The following TMCC2 variants were observed in gnomAD, a reference collection of about 807,000 sequenced individuals.
The protein encoded by TMCC2 is transmembrane and coiled-coil domains protein 2.
TMCC2 carries 16 observed loss-of-function variants against 49.4 expected under a neutral mutation model. The observed-to-expected ratio is 0.32, with a 90% CI of 0.22 to 0.49. The LOEUF (loss-of-function observed/expected upper bound fraction) is 0.49. TMCC2 is among the 20% of genes least tolerant of loss of function. The probability of loss-of-function intolerance (pLI) is 0.99; values close to 1 mark genes in which losing one functional copy is unlikely to be tolerated. For synonymous variants in TMCC2, 397 were observed against 434.1 expected, an observed-to-expected ratio of 0.91 and a Z score of 1.06; for missense variants, 762 against 989.8, an observed-to-expected ratio of 0.77 and a Z score of 3.09.
chr1:205,261,196 CTTTTTTTTT>C (rs34247734), intron 2 of TMCC2, among the ~76,000 whole-genome samples: 6 of 95,270 alleles, frequency 6.3e-5, no homozygotes, highest in African/African-American at 8.3e-5. Context: ...CACTTATTTC[CTTTTTTTTT>C]TTTTTTTTTT....
At position 205,269,492 on chromosome 1, in the gene TMCC2, CCTCATCCGCAACAAGTTTGGCAGT is replaced by C; in HGVS notation, c.1291_1314del (p.Leu431_Ser438del). The C allele has an allele frequency of 6.2e-7, 1 of 1,608,638 alleles. No individual in the cohort carries two copies. The highest frequency in any genetic ancestry group is 1.1e-5 in the South Asian group (1 of 90,924). On this transcript the variant is annotated inframe_deletion, in exon 3 of 5. Transcript: ENST00000358024. ...TGTCCAAGCCCCGGGAGTTTGCCAG[CCTCATCCGCAACAAGTTTGGCAGT>C]GCTGACAACATCGCCCACCTGAAGG... is the stretch of plus-strand genomic sequence containing the variant.
chr1:205,235,812 G>A (rs1178141941), intron 1 of TMCC2, among the ~76,000 whole-genome samples: 5 of 152,192 alleles, frequency 3.3e-5, no homozygotes, highest in Non-Finnish European at 7.3e-5. Flanking sequence ...GCTCACGCCT[G>A]TAATCCCAGC....
chr1:205,232,950 A>C (rs1277734569), intron 1 of TMCC2, among the ~76,000 whole-genome samples: 4 of 147,350 alleles, frequency 2.7e-5, no homozygotes, highest in South Asian at 2.2e-4. Context: ...AAAAAAAAAA[A>C]AAAAAAAAAA....
intron 4 of TMCC2, 171 bp downstream of exon 4, chr1:205,271,426 G>A: frequency 9.1e-7 from 1 of 1,102,344 alleles, no homozygotes; most frequent in Non-Finnish European, 1.3e-6. Context: ...AGTGGAGTGA[G>A]CAAGACAGGC....
chr1:205,237,815 G>GGGCACCC lies in TMCC2; in HGVS notation c.208-3690_208-3689insGGCACCC, dbSNP rs1574833167. 3.3e-5 allele frequency among the ~76,000 whole-genome samples: 5 copies of GGGCACCC among 152,288 alleles called. No homozygotes were observed. The East Asian group carries it at 9.7e-4, about 29-fold the overall frequency. The stretch of plus-strand genomic sequence containing the variant: ...TCCTGAAAGGACAGTGCCACCCAAG[G>GGGCACCC]AGATGGGGCTCTTCCTGCCCTTTCA... On this transcript the variant is annotated intron_variant, in intron 1 of 4. Coordinates refer to ENST00000358024, the MANE Select transcript of TMCC2 (RefSeq NM_014858.4).
Position 205,271,112 on chromosome 1 carries a change from T to A in TMCC2, c.1683-8T>A. The A allele has an allele frequency of 6.2e-7, 1 of 1,612,182 alleles. No individual in the cohort carries two copies. The highest frequency in any genetic ancestry group is 2.2e-5 in the East Asian group (1 of 44,888). On this transcript the variant is annotated splice_region_variant and splice_polypyrimidine_tract_variant and intron_variant, in intron 3 of 4. Coordinates refer to ENST00000358024, the MANE Select transcript of TMCC2 (RefSeq NM_014858.4). ...CAGGACTGGTGTCACTCTCTCTCCC[T>A]CCGCCAGGTACGAGCGGCTGGAGGA... is the stretch of plus-strand genomic sequence containing the variant.
rs1479821464 is a variant in TMCC2, at chr1:205,241,124, A to T, written c.208-381A>T. ...TTGAAGGGTCGTCTAACTTGGAAGG[A>T]GGGAAGGACTGGGGGTGGGGATCAA... On this transcript the variant is annotated intron_variant, in intron 1 of 4. Transcript: ENST00000358024. The surrounding 1 kb of genome is among the most constrained non-coding windows in gnomAD (Gnocchi z 7.3). Among the ~76,000 whole-genome samples the T allele has an allele frequency of 6.6e-6, 1 of 152,068 alleles. No homozygotes were observed. The highest frequency in any genetic ancestry group is 2.4e-5 in the African/African-American group (1 of 41,408).
chr1:205,241,795 C>G lies in TMCC2; in HGVS notation c.498C>G (p.Ser166Arg). 1 of 1,608,704 alleles carries G rather than the reference C, an allele frequency of 6.2e-7. No homozygotes were observed. The highest frequency in any genetic ancestry group is 8.5e-7 in the Non-Finnish European group (1 of 1,178,472). Reference protein sequence around the residue: ...RSRPSIKRGASLHSSSGGGSS... With the variant: ...RSRPSIKRGARLHSSSGGGSS... ...GGCCCTCCATCAAGCGGGGCGCCAGCCTGCACAGCAGCAGTGGGGGCGGCA... is the reference window on the plus strand; with the variant it reads ...GGCCCTCCATCAAGCGGGGCGCCAGGCTGCACAGCAGCAGTGGGGGCGGCA... Residue 166 changes from serine (S) to arginine (R), a missense_variant, in exon 2 of 5, where the codon AGC becomes AGG. Coordinates refer to ENST00000358024, the MANE Select transcript of TMCC2 (RefSeq NM_014858.4). This position sits in a 1 kb window ranked among gnomAD's most constrained non-coding sequence, Gnocchi z 7.3.
At chr1:205,237,700 C>T (rs759623491) in intron 1 of TMCC2, among the ~76,000 whole-genome samples, 5 of 152,198 alleles carry the variant, frequency 3.3e-5, no homozygotes, top group Non-Finnish European at 5.9e-5. Context: ...GGACCCACAC[C>T]CAGGGAGAAA....
rs1659653779 is a variant in TMCC2, at chr1:205,228,370, C to A, written c.-195C>A. 6 of 543,776 alleles carry A rather than the reference C, an allele frequency of 1.1e-5. No homozygotes were observed. The East Asian group carries it at 1.1e-4, about 10-fold the overall frequency. 33.7% of individuals were successfully genotyped at this position (543,776 alleles called of 1,614,324 possible). A position where few individuals can be genotyped will look rare whatever the true frequency, so the allele number is the denominator to read the frequency against. On this transcript the variant is annotated 5_prime_UTR_variant, in exon 1 of 5. Transcript: ENST00000358024. ...GAAATGAACTATTCCAAGCTATAAC[C>A]AAGGCTCCCCCTTCTCGCCCCTCCC...
intron 2 of TMCC2, among the ~76,000 whole-genome samples, chr1:205,251,360 G>A (rs745976036): frequency 1.9e-4 from 29 of 152,114 alleles, no homozygotes; most frequent in Non-Finnish European, 3.8e-4. Context: ...CCTCCTGCCC[G>A]CTGCTGCTTT....
chr1:205,257,498 A>G, intron 2 of TMCC2: 1 of 976,660 alleles, frequency 1.0e-6, no homozygotes, highest in Non-Finnish European at 1.3e-6. Context: ...GCTCTCCTCC[A>G]GGTATAGAGA....
chr1:205,245,425 A>T (rs867242032), intron 2 of TMCC2, among the ~76,000 whole-genome samples: 19 of 152,260 alleles, frequency 1.2e-4, no homozygotes, highest in South Asian at 6.2e-4. Context: ...ATGATGGAAG[A>T]CCAAACAGTT....
chr1:205,252,786 C>A (rs1273373623), intron 2 of TMCC2, among the ~76,000 whole-genome samples: 2 of 150,508 alleles, frequency 1.3e-5, no homozygotes, highest in African/African-American at 2.4e-5. Flanking sequence ...CAGTTTCCCA[C>A]CCTTCAAAAT....
At position 205,228,410 on chromosome 1, in the gene TMCC2, G is replaced by T; in HGVS notation, c.-155G>T. Reference sequence around the variant, plus strand: ...TCGCCCCTCCCTCACCCGCCTTTAAGAATTTTTTTTTTAATTCAAGAAATT... The same window carrying T: ...TCGCCCCTCCCTCACCCGCCTTTAATAATTTTTTTTTTAATTCAAGAAATT... On this transcript the variant is annotated 5_prime_UTR_variant, in exon 1 of 5. Coordinates refer to ENST00000358024, the MANE Select transcript of TMCC2 (RefSeq NM_014858.4). The T allele has an allele frequency of 3.2e-6, 2 of 627,724 alleles. No homozygotes were observed. Among genetic ancestry groups the T allele is most frequent in the Non-Finnish European group, 5.3e-6 (2 of 376,506 alleles). 38.9% of individuals were successfully genotyped at this position (627,724 alleles called of 1,614,324 possible). A position where few individuals can be genotyped will look rare whatever the true frequency, so the allele number is the denominator to read the frequency against.
intron 1 of TMCC2, among the ~76,000 whole-genome samples, chr1:205,238,380 T>G (rs373826147): frequency 1.3e-5 from 2 of 152,168 alleles, no homozygotes; most frequent in Non-Finnish European, 2.9e-5. Flanking sequence ...AAAAACCCCT[T>G]CATTTGGAGT....
chr1:205,260,142 A>T (rs988281277), intron 2 of TMCC2, among the ~76,000 whole-genome samples: 1 of 152,170 alleles, frequency 6.6e-6, no homozygotes, highest in African/African-American at 2.4e-5. Context: ...ACAAGGATTA[A>T]TCTGGAGTCA....
At chr1:205,258,185 A>T (rs1360897202) in intron 2 of TMCC2, among the ~76,000 whole-genome samples, 1 of 151,992 alleles carries the variant, frequency 6.6e-6, no homozygotes, top group Admixed American at 6.5e-5. Context: ...CACTGCCTGG[A>T]GATGAGTAGT....
chr1:205,239,665 G>A (rs12064426), intron 1 of TMCC2, among the ~76,000 whole-genome samples: 3,355 of 152,260 alleles, frequency 0.022, 133 homozygotes, highest in African/African-American at 0.076. Context: ...ATGAAAAACC[G>A]TTAGTTCGTG....
Sources: allele counts gnomAD v4.1 joint callset (sites outside exome capture counted in the v4.1 genomes callset), GRCh38; gene constraint gnomAD v4.1.1; non-coding constraint Gnocchi (gnomAD v3.1); transcripts MANE v1.5; gene names NCBI Gene and HGNC (gene_info 2026-07-23, HGNC 2026-07-21).